The following CNTN1 variants were observed in gnomAD, a reference collection of about 807,000 sequenced individuals.
CNTN1 encodes the protein contactin-1.
In CNTN1, 38 loss-of-function variants were observed where a neutral mutation model predicts 126.4. The observed-to-expected ratio is 0.30, with a 90% CI of 0.23 to 0.39. CNTN1 has a LOEUF of 0.39. Among genes scored for constraint, CNTN1 ranks in the 10% least tolerant of loss-of-function variants. The pLI, the probability that CNTN1 is intolerant of heterozygous loss-of-function variation, is 1.00. For missense variants in CNTN1, 1,009 were observed against 1,248.4 expected (o/e 0.81, Z 2.89); for synonymous variants, 413 against 422.6 (o/e 0.98, Z 0.28).
chr12:40,755,522 G>C (rs1938574330), intron 1 of CNTN1, among the ~76,000 whole-genome samples: 1 of 151,770 alleles, frequency 6.6e-6, no homozygotes, highest in South Asian at 2.1e-4. Flanking sequence ...GGATCAGCTA[G>C]GGAACATAGT....
chr12:40,858,444 G>T (rs977444358), intron 1 of CNTN1, among the ~76,000 whole-genome samples: 3 of 152,108 alleles, frequency 2.0e-5, no homozygotes, highest in African/African-American at 7.2e-5. Context: ...ACCACAATGA[G>T]ATACCATCTC....
chr12:40,994,201 G>A (rs1948159136), intron 17 of CNTN1, among the ~76,000 whole-genome samples: 1 of 152,142 alleles, frequency 6.6e-6, no homozygotes, highest in African/African-American at 2.4e-5. Flanking sequence ...CAAGAAAGAA[G>A]GAGGGAGGCC....
chr12:40,990,077 T>C (rs945716880), intron 16 of CNTN1, among the ~76,000 whole-genome samples: 1 of 152,116 alleles, frequency 6.6e-6, no homozygotes, highest in South Asian at 2.1e-4. Context: ...ACGTTAATCA[T>C]GTTTTTGCTA....
chr12:40,873,835 T>C (rs1283824577), intron 1 of CNTN1, among the ~76,000 whole-genome samples: 1 of 152,124 alleles, frequency 6.6e-6, no homozygotes, highest in African/African-American at 2.4e-5. Context: ...TGGTTCCTCA[T>C]TGCCCCCAAA....
At chr12:41,005,337 C>T (rs569080691) in intron 17 of CNTN1, among the ~76,000 whole-genome samples, 1 of 152,150 alleles carries the variant, frequency 6.6e-6, no homozygotes, top group South Asian at 2.1e-4. Context: ...GTTGATCTGA[C>T]CTTTCTCTCT....
intron 14 of CNTN1, among the ~76,000 whole-genome samples, chr12:40,957,836 CTA>C: frequency 6.6e-6 from 1 of 151,970 alleles, no homozygotes; most frequent in Admixed American, 6.6e-5. Flanking sequence ...TTCCAACTAA[CTA>C]TACCAATATG....
chr12:41,069,420 CTGT>C (rs1950117390), intron 23 of CNTN1, among the ~76,000 whole-genome samples: 5 of 151,996 alleles, frequency 3.3e-5, no homozygotes, highest in African/African-American at 1.2e-4. Context: ...AGTATTTTTA[CTGT>C]ATCTCTTTTT....
chr12:40,954,113 C>T lies in CNTN1; in HGVS notation c.1684-5001C>T, dbSNP rs145111092. Among the ~76,000 whole-genome samples the T allele has an allele frequency of 2.5e-3, 378 of 151,976 alleles. 2 individuals are homozygous for T. The highest frequency in any genetic ancestry group is 8.8e-3 in the African/African-American group (363 of 41,484). On this transcript the variant is annotated intron_variant, in intron 14 of 23. Transcript: ENST00000551295. ...ACAGGGTTATCTTTCAATTAGACAC[C>T]GAAGCAACCAAAGTACTGAGTTCAT...
intron 3 of CNTN1, 79 bp from the exon 4 acceptor site, chr12:40,918,560 G>A: frequency 7.7e-7 from 1 of 1,305,266 alleles, no homozygotes; most frequent in African/African-American, 1.5e-5. Context: ...TTTTTTTCAA[G>A]TAATTTTTTT....
chr12:40,746,590 T>C (rs565134335), intron 1 of CNTN1, among the ~76,000 whole-genome samples: 1 of 151,960 alleles, frequency 6.6e-6, no homozygotes, highest in South Asian at 2.1e-4. Context: ...ATCTTTTGAG[T>C]TGGGGTTTTA....
intron 17 of CNTN1, among the ~76,000 whole-genome samples, chr12:41,009,849 T>C (rs1948600740): frequency 6.6e-6 from 1 of 152,168 alleles, no homozygotes; most frequent in Non-Finnish European, 1.5e-5. Flanking sequence ...CCCACACTTC[T>C]GGATTGATAT....
chr12:41,053,317 AT>A (rs939578587), intron 23 of CNTN1, among the ~76,000 whole-genome samples: 1 of 149,822 alleles, frequency 6.7e-6, no homozygotes, highest in Non-Finnish European at 1.5e-5. Context: ...ACTTCTAAAC[AT>A]ATAAATACAC....
chr12:40,904,357 C>CTTCCTTCCT (rs11281401), intron 1 of CNTN1, among the ~76,000 whole-genome samples: 91,992 of 146,216 alleles, frequency 0.63, 29,625 homozygotes, highest in African/African-American at 0.76. Flanking sequence ...TTTTTCCTTC[C>CTTCCTTCCT]TTCCTTCCTT....
intron 1 of CNTN1, among the ~76,000 whole-genome samples, chr12:40,782,316 C>G (rs753263687): frequency 1.4e-4 from 21 of 151,842 alleles, no homozygotes; most frequent in Admixed American, 2.6e-4. Flanking sequence ...AAAAAAAGGT[C>G]AAACCCTTTT....
At chr12:40,960,635 C>G (rs1379446341) in intron 15 of CNTN1, among the ~76,000 whole-genome samples, 1 of 152,074 alleles carries the variant, frequency 6.6e-6, no homozygotes. Context: ...ATACATTCCA[C>G]AAACCACTTA....
At chr12:40,788,910 A>G (rs1319841451) in intron 1 of CNTN1, among the ~76,000 whole-genome samples, 1 of 152,110 alleles carries the variant, frequency 6.6e-6, no homozygotes, top group Non-Finnish European at 1.5e-5. Flanking sequence ...CACTTTATAC[A>G]TGTTAATTTT....
chr12:41,061,498 G>A (rs977897842), intron 23 of CNTN1, among the ~76,000 whole-genome samples: 4 of 152,138 alleles, frequency 2.6e-5, no homozygotes, highest in African/African-American at 9.7e-5. Flanking sequence ...CAAACGAATA[G>A]GAGCAGAAAG....
chr12:40,713,168 T>C (rs1400007052), intron 1 of CNTN1, among the ~76,000 whole-genome samples: 2 of 151,820 alleles, frequency 1.3e-5, no homozygotes, highest in Admixed American at 1.3e-4. Flanking sequence ...GTACATTCCA[T>C]TAAAAAGTTT....
intron 1 of CNTN1, among the ~76,000 whole-genome samples, chr12:40,697,024 T>TC (rs1402876969): frequency 4.1e-4 from 62 of 152,356 alleles, no homozygotes; most frequent in African/African-American, 1.4e-3. Flanking sequence ...TTTTTGGCTG[T>TC]CAATATTCTA....
Sources: allele counts gnomAD v4.1 joint callset (sites outside exome capture counted in the v4.1 genomes callset), GRCh38; gene constraint gnomAD v4.1.1; transcripts MANE v1.5; gene names NCBI Gene and HGNC (gene_info 2026-07-23, HGNC 2026-07-21).